Variants in MED13 observed in about 807,000 individuals in gnomAD.
The protein encoded by MED13 is mediator complex subunit 13, also known as mediator of RNA polymerase II transcription subunit 13.
MED13 carries 23 observed loss-of-function variants against 225.2 expected under a neutral mutation model. The ratio of observed to expected loss-of-function variants is 0.10; its 90% confidence interval spans 0.07 to 0.14. MED13 has a LOEUF of 0.14. MED13 is among the 10% of genes least tolerant of loss of function. The pLI is 1.00. For synonymous variants in MED13, 942 were observed against 889.2 expected (o/e 1.06, Z -1.06); for missense variants, 2,197 against 2,594.5 (o/e 0.85, Z 3.33).
intron 26 of MED13, among the ~76,000 whole-genome samples, chr17:61,953,736 G>C (rs1451736711): frequency 6.6e-6 from 1 of 152,216 alleles, no homozygotes; most frequent in Non-Finnish European, 1.5e-5. Flanking sequence ...GCCACTAAAT[G>C]TGTAGTACTT....
At chr17:61,967,852 G>C (rs756485541) in intron 18 of MED13, among the ~76,000 whole-genome samples, 183 bp downstream of exon 18, 1 of 152,022 alleles carries the variant, frequency 6.6e-6, no homozygotes, top group African/African-American at 2.4e-5. Context: ...TCTGACCCAC[G>C]GCATACACAT....
intron 8 of MED13, among the ~76,000 whole-genome samples, chr17:62,015,402 T>C (rs2080553448): frequency 6.6e-6 from 1 of 152,134 alleles, no homozygotes; most frequent in African/African-American, 2.4e-5. Context: ...AGAATGAATC[T>C]GTAAGTGCTA....
At chr17:61,970,814 C>T (rs2080101849) in intron 17 of MED13, among the ~76,000 whole-genome samples, 1 of 150,030 alleles carries the variant, frequency 6.7e-6, no homozygotes, top group Admixed American at 6.6e-5. Context: ...CACTAGGGCC[C>T]AGGAGTTGGA....
At chr17:62,044,409 T>C (rs948654412) in intron 3 of MED13, among the ~76,000 whole-genome samples, 7 of 152,216 alleles carry the variant, frequency 4.6e-5, no homozygotes, top group Non-Finnish European at 8.8e-5. Flanking sequence ...CATCCTTTCC[T>C]TCCTGTGAAC....
At chr17:62,059,193 TTTAG>T (rs2081019085) in intron 2 of MED13, among the ~76,000 whole-genome samples, 1 of 152,124 alleles carries the variant, frequency 6.6e-6, no homozygotes, top group Non-Finnish European at 1.5e-5. Flanking sequence ...AAATATATAC[TTTAG>T]TTAATAATAA....
rs1225499840 is a variant in MED13, at chr17:61,991,687, T to C, written c.2263+853A>G. On this transcript the variant is annotated intron_variant, in intron 11 of 29. Coordinates refer to ENST00000397786, the MANE Select transcript of MED13 (RefSeq NM_005121.3). ...CATGCCCAGCTAATTTTTCTATTTT[T>C]TTAGTAGAGACGGGGTTTCACCATG... Among the ~76,000 whole-genome samples the C allele has an allele frequency of 3.3e-5, 5 of 152,230 alleles. No individual in the cohort carries two copies. The South Asian group carries it at 6.2e-4, about 19-fold the overall frequency.
intron 9 of MED13, among the ~76,000 whole-genome samples, chr17:61,996,130 C>T (rs986757779): frequency 6.6e-6 from 1 of 152,126 alleles, no homozygotes; most frequent in African/African-American, 2.4e-5. Flanking sequence ...TGACAGACCA[C>T]AGAAAGCTGA....
chr17:61,976,985 T>A (rs979343713), intron 16 of MED13, among the ~76,000 whole-genome samples: 4 of 152,174 alleles, frequency 2.6e-5, no homozygotes, highest in African/African-American at 9.6e-5. Context: ...CAAACTATAC[T>A]TTGTAGACTT....
intron 28 of MED13, among the ~76,000 whole-genome samples, chr17:61,950,580 C>T (rs563723069): frequency 1.2e-4 from 18 of 152,250 alleles, no homozygotes; most frequent in African/African-American, 2.2e-4. Context: ...GACGAGGTTT[C>T]GCCATGTTGG....
chr17:62,031,482 G>A lies in MED13; in HGVS notation c.971C>T (p.Thr324Met). Residue 324 changes from threonine (T) to methionine (M), a missense_variant, in exon 6 of 30, where the codon ACG becomes ATG. By Grantham distance (81) the Thr-to-Met change is moderately conservative. Around this residue, in one of 12 missense-constraint regions of MED13, gnomAD observed 884 missense variants for 918.5 expected, o/e 0.96. Transcript: ENST00000397786. ...STRDPAMSSVTLTPPTSPEEV... is the reference protein window; with the variant it reads ...STRDPAMSSVMLTPPTSPEEV... Reference sequence around the variant, plus strand: ...CTCAGGAGACGTAGGTGGTGTAAGCGTAACCGAAGACATAGCAGGATCTCT... The same window carrying A: ...CTCAGGAGACGTAGGTGGTGTAAGCATAACCGAAGACATAGCAGGATCTCT... The A allele has an allele frequency of 6.2e-7, 1 of 1,613,242 alleles. No homozygotes were observed. Among genetic ancestry groups the A allele is most frequent in the Non-Finnish European group, 8.5e-7 (1 of 1,179,590 alleles).
chr17:61,957,881 T>C (rs1350670529), intron 23 of MED13, among the ~76,000 whole-genome samples: 1 of 152,198 alleles, frequency 6.6e-6, no homozygotes, highest in African/African-American at 2.4e-5. Context: ...TTTTTTTCTT[T>C]TGAGACGGAG....
At chr17:61,947,310 C>T (rs11868461) in intron 28 of MED13, among the ~76,000 whole-genome samples, 48 of 151,634 alleles carry the variant, frequency 3.2e-4, no homozygotes, top group Non-Finnish European at 6.6e-4. Context: ...TGGGATTACA[C>T]GCATGAGCCA....
chr17:62,011,283 G>A (rs546072706), intron 8 of MED13, 50 bp from the exon 9 acceptor site: 37 of 1,484,564 alleles, frequency 2.5e-5, no homozygotes, highest in Middle Eastern at 1.8e-4. Context: ...CTATTATGGC[G>A]AAGTATAATA....
chr17:61,959,281 T>C (rs1011954085), intron 23 of MED13, among the ~76,000 whole-genome samples: 3 of 152,194 alleles, frequency 2.0e-5, no homozygotes, highest in Non-Finnish European at 2.9e-5. Flanking sequence ...TCCAAAGTGC[T>C]GAGATTAGAG....
At chr17:62,003,610 A>AAAAAAAAAAAAAC (rs2080417520) in intron 9 of MED13, 1 of 150,906 alleles carries the variant, frequency 6.6e-6, no homozygotes, top group Non-Finnish European at 1.5e-5. Flanking sequence ...AAAAAAAAAA[A>AAAAAAAAAAAAAC]AAAAAAAAAA....
At chr17:61,970,165 T>G (rs558358454) in intron 17 of MED13, among the ~76,000 whole-genome samples, 1 of 152,296 alleles carries the variant, frequency 6.6e-6, no homozygotes, top group East Asian at 1.9e-4. Flanking sequence ...TTAACTTCAT[T>G]TTAGAGATGA....
At chr17:62,047,113 G>A in intron 3 of MED13, among the ~76,000 whole-genome samples, 1 of 151,824 alleles carries the variant, frequency 6.6e-6, no homozygotes, top group East Asian at 1.9e-4. Context: ...GCTCACGCCT[G>A]TAATCCCAGG....
chr17:62,047,513 A>G (rs2080909033), intron 3 of MED13, among the ~76,000 whole-genome samples: 1 of 152,154 alleles, frequency 6.6e-6, no homozygotes, highest in Non-Finnish European at 1.5e-5. Context: ...GTGAGAACAC[A>G]TGGACACAGG....
Position 62,025,618 on chromosome 17 carries a change from C to T in MED13, c.1283+3923G>A, listed in dbSNP as rs112929909. ...CTGGGAGGCGGAGGTTGCAGTGAGC[C>T]GAGATCACACCATTGCACTCCTGTC... is the stretch of plus-strand genomic sequence containing the variant. On this transcript the variant is annotated intron_variant, in intron 8 of 29. Transcript: ENST00000397786. Among the ~76,000 whole-genome samples, 891 of 151,686 alleles carry T rather than the reference C, an allele frequency of 5.9e-3. 7 individuals are homozygous for T. The highest frequency in any genetic ancestry group is 0.02 in the African/African-American group (834 of 41,298).
Sources: allele counts gnomAD v4.1 joint callset (sites outside exome capture counted in the v4.1 genomes callset), GRCh38; gene constraint gnomAD v4.1.1; regional missense constraint gnomAD v4.1.1; transcripts MANE v1.5; gene names NCBI Gene and HGNC (gene_info 2026-07-23, HGNC 2026-07-21).